Variants in SYNPR observed in about 807,000 individuals in gnomAD.
SYNPR encodes synaptoporin.
A neutral mutation model predicts 32.9 loss-of-function variants in SYNPR; 23 were observed. The ratio of observed to expected loss-of-function variants is 0.70; its 90% CI spans 0.50 to 0.99. The LOEUF is 0.99. SYNPR is among the 50% of genes least tolerant of loss of function. The pLI, the probability that SYNPR is intolerant of heterozygous loss-of-function variation, is 0.00. For missense variants in SYNPR, 318 were observed against 349.3 expected, an observed-to-expected ratio of 0.91 and a Z score of 0.71; for synonymous variants, 146 against 135.9, an observed-to-expected ratio of 1.07 and a Z score of -0.52.
intron 2 of SYNPR, among the ~76,000 whole-genome samples, chr3:63,279,449 C>T (rs1161240827): frequency 6.6e-6 from 1 of 152,144 alleles, no homozygotes; most frequent in African/African-American, 2.4e-5. Flanking sequence ...AGTTGTATTC[C>T]ACTTCCGTGA....
intron 1 of SYNPR, among the ~76,000 whole-genome samples, chr3:63,250,542 T>A (rs1423571138): frequency 2.0e-5 from 3 of 152,122 alleles, no homozygotes; most frequent in African/African-American, 4.8e-5. Context: ...TAATGATGTC[T>A]GAGAACAAGT....
intron 3 of SYNPR, among the ~76,000 whole-genome samples, chr3:63,550,411 A>G (rs1189221557): frequency 1.3e-5 from 2 of 151,884 alleles, no homozygotes; most frequent in Non-Finnish European, 2.9e-5. Context: ...GTGTGTATAT[A>G]TATATATTTT....
At chr3:63,482,370 G>A (rs978217800) in intron 3 of SYNPR, among the ~76,000 whole-genome samples, 2 of 152,092 alleles carry the variant, frequency 1.3e-5, no homozygotes, top group African/African-American at 4.8e-5. Flanking sequence ...TAGTAGCACA[G>A]CTTTTCTTTC....
intron 5 of SYNPR, among the ~76,000 whole-genome samples, chr3:63,612,515 C>A (rs1193323148): frequency 6.6e-6 from 1 of 152,176 alleles, no homozygotes; most frequent in Non-Finnish European, 1.5e-5. Flanking sequence ...ATGTTATGTA[C>A]AGTCTCTTTC....
chr3:63,255,671 C>A (rs139804541), intron 2 of SYNPR, among the ~76,000 whole-genome samples: 1 of 152,094 alleles, frequency 6.6e-6, no homozygotes, highest in Non-Finnish European at 1.5e-5. Context: ...CCAGTGTGAG[C>A]GACGCAGAAG....
At chr3:63,453,626 T>C (rs1700423811) in intron 2 of SYNPR, among the ~76,000 whole-genome samples, 1 of 152,132 alleles carries the variant, frequency 6.6e-6, no homozygotes, top group Admixed American at 6.6e-5. Context: ...ATTTGATTAA[T>C]CTCCTTTTGG....
chr3:63,379,882 C>T (rs761905180), intron 2 of SYNPR, among the ~76,000 whole-genome samples: 12 of 152,064 alleles, frequency 7.9e-5, no homozygotes, highest in Non-Finnish European at 1.5e-4. Context: ...GTTCCCCTTC[C>T]TGTGTCCAAG....
chr3:63,357,252 A>G (rs1252454366), intron 2 of SYNPR, among the ~76,000 whole-genome samples: 3 of 152,116 alleles, frequency 2.0e-5, no homozygotes, highest in Admixed American at 1.3e-4. Context: ...GCTTGAGACC[A>G]GAGACCCCTC....
chr3:63,395,518 G>A (rs576081409), intron 2 of SYNPR, among the ~76,000 whole-genome samples: 25 of 152,258 alleles, frequency 1.6e-4, no homozygotes, highest in Non-Finnish European at 3.2e-4. Flanking sequence ...TAACAATCCT[G>A]TGAGGAAAAT....
intron 2 of SYNPR, among the ~76,000 whole-genome samples, chr3:63,429,988 C>T (rs1338037501): frequency 2.6e-5 from 4 of 152,200 alleles, no homozygotes; most frequent in East Asian, 1.9e-4. Flanking sequence ...AGCCTCTCAT[C>T]TGAGTAAGAT....
At chr3:63,239,353 A>C (rs1249103171) in intron 1 of SYNPR, among the ~76,000 whole-genome samples, 1 of 151,254 alleles carries the variant, frequency 6.6e-6, no homozygotes, top group Non-Finnish European at 1.5e-5. Context: ...CCATCCTACC[A>C]TTGTCACCCA....
chr3:63,564,022 C>T (rs1462894012), intron 4 of SYNPR, among the ~76,000 whole-genome samples: 1 of 148,660 alleles, frequency 6.7e-6, no homozygotes, highest in African/African-American at 2.5e-5. Flanking sequence ...GGTTGGTGAG[C>T]AAGGCAAATG....
At chr3:63,558,854 G>GAA (rs34796321) in intron 4 of SYNPR, among the ~76,000 whole-genome samples, 1 of 146,694 alleles carries the variant, frequency 6.8e-6, no homozygotes, top group South Asian at 2.1e-4. Context: ...ATGCTTTCCA[G>GAA]AAAAAAAAAA....
chr3:63,589,153 G>C (rs953186760), intron 4 of SYNPR, among the ~76,000 whole-genome samples: 5 of 152,024 alleles, frequency 3.3e-5, no homozygotes, highest in Non-Finnish European at 7.4e-5. Flanking sequence ...TATTCACCGT[G>C]AGTCCTGAGA....
At chr3:63,226,219 TG>T (rs138847845), upstream of SYNPR, among the ~76,000 whole-genome samples, 34,147 of 151,836 alleles carry the variant, frequency 0.22, 4,443 homozygotes, top group Admixed American at 0.32. Context: ...GGAAAAGATG[TG>T]GAAAAAAGGG....
chr3:63,299,462 T>A (rs905994101), intron 2 of SYNPR, among the ~76,000 whole-genome samples: 5 of 152,160 alleles, frequency 3.3e-5, no homozygotes, highest in Non-Finnish European at 7.3e-5. Context: ...AGACAGTATC[T>A]GTCTCAAACC....
intron 2 of SYNPR, among the ~76,000 whole-genome samples, chr3:63,284,464 T>C (rs9851664): frequency 0.07 from 10,728 of 152,216 alleles, 411 homozygotes; most frequent in Middle Eastern, 0.099. Context: ...TTGACATTCA[T>C]CCCTAATTTT....
chr3:63,518,512 T>G (rs1205164330), intron 3 of SYNPR, among the ~76,000 whole-genome samples: 1 of 151,956 alleles, frequency 6.6e-6, no homozygotes, highest in Non-Finnish European at 1.5e-5. Flanking sequence ...AAAATTAGAG[T>G]AATTTCTCCC....
intron 2 of SYNPR, among the ~76,000 whole-genome samples, chr3:63,379,289 C>G (rs2087934959): frequency 6.6e-6 from 1 of 151,996 alleles, no homozygotes; most frequent in Admixed American, 6.6e-5. Context: ...TATATGTATT[C>G]TGCTGTCGTT....
Sources: gnomAD v4.1 joint callset for allele counts (sites outside exome capture counted in the v4.1 genomes callset) on GRCh38, gnomAD v4.1.1 for gene constraint, MANE v1.5 for transcripts, NCBI Gene and HGNC (gene_info 2026-07-23, HGNC 2026-07-21) for gene names.